The following WNK1 variants were observed in gnomAD, a reference collection of about 807,000 sequenced individuals.
The protein encoded by WNK1 is WNK lysine deficient protein kinase 1.
WNK1 carries 38 observed loss-of-function variants against 222.8 expected under a neutral mutation model. The ratio of observed to expected loss-of-function variants is 0.17; its 90% CI spans 0.13 to 0.22. The LOEUF is 0.22. WNK1 is among the 10% of genes least tolerant of loss of function. The pLI, the probability that WNK1 is intolerant of heterozygous loss-of-function variation, is 1.00. For synonymous variants in WNK1, 1,090 were observed against 1,092.9 expected, an observed-to-expected ratio of 1.00 and a Z score of 0.05; for missense variants, 2,348 against 2,918.4, an observed-to-expected ratio of 0.80 and a Z score of 4.50.
Position 851,652 on chromosome 12 carries a change from C to T in WNK1, c.1312-5509C>T, listed in dbSNP as rs1295476092. The T allele has an allele frequency of 1.3e-5, 17 of 1,293,874 alleles. No homozygotes were observed. In the African/African-American group the frequency reaches 1.5e-4, roughly 12 times the overall value. The allele number at this position is 1,293,874 out of a possible 1,614,324, so 80.1% of individuals were successfully genotyped here. ...TGATGTACATCAGAGACATTTTTTC[C>T]TTCATTTTCCTCCAATAAGAAATCT... On this transcript the variant is annotated intron_variant, in intron 4 of 27. Transcript: ENST00000315939.
At chr12:860,985 CT>C in intron 6 of WNK1, 27 bp from the exon 7 acceptor site, 1 of 1,597,796 alleles carries the variant, frequency 6.3e-7, no homozygotes, top group Non-Finnish European at 8.6e-7. Context: ...CAATATACTA[CT>C]GCTTAATTTA....
At chr12:839,913 A>G (rs1949489925) in intron 4 of WNK1, among the ~76,000 whole-genome samples, 2 of 142,028 alleles carry the variant, frequency 1.4e-5, no homozygotes, top group South Asian at 2.3e-4. Flanking sequence ...TTTTAAGTAG[A>G]GATGGAGTTT....
intron 1 of WNK1, among the ~76,000 whole-genome samples, chr12:799,806 T>G (rs746768928): frequency 3.9e-5 from 6 of 152,140 alleles, no homozygotes; most frequent in Non-Finnish European, 8.8e-5. Context: ...TGCTTTAGCC[T>G]CCCAAGTAGC....
At chr12:787,849 G>A (rs1005885093) in intron 1 of WNK1, among the ~76,000 whole-genome samples, 8 of 152,138 alleles carry the variant, frequency 5.3e-5, no homozygotes, top group African/African-American at 1.7e-4. Flanking sequence ...GTGTGCGTGT[G>A]TGTGTAATTT....
chr12:767,072 C>T (rs768791138), intron 1 of WNK1, among the ~76,000 whole-genome samples: 20 of 151,488 alleles, frequency 1.3e-4, no homozygotes, highest in Non-Finnish European at 2.7e-4. Context: ...CCACCGTGCC[C>T]GGCCCTAGAT....
At chr12:788,957 A>G (rs1451525790) in intron 1 of WNK1, among the ~76,000 whole-genome samples, 4 of 152,062 alleles carry the variant, frequency 2.6e-5, no homozygotes, top group Non-Finnish European at 5.9e-5. Flanking sequence ...TTAGACTTTA[A>G]CCTTTGCTTA....
In WNK1 at chr12:882,019, A is replaced by T; in HGVS notation, c.3318A>T (p.Val1106=). The T allele has an allele frequency of 6.2e-7, 1 of 1,614,168 alleles. No individual in the cohort carries two copies. ...RTTKRHYRKS[V]RSRSRHEKTS... Reference sequence around the variant, plus strand: ...CAAAACGGCATTACCGAAAATCTGTAAGGAGTCGCTCTCGACATGAAAAAA... The same window carrying T: ...CAAAACGGCATTACCGAAAATCTGTTAGGAGTCGCTCTCGACATGAAAAAA... The change falls in exon 14 of 28, where the codon GTA becomes GTT. Residue 1106 remains valine (V), a synonymous_variant. Coordinates refer to ENST00000315939, the MANE Select transcript of WNK1 (RefSeq NM_018979.4).
chr12:908,935 C>A lies in WNK1; in HGVS notation c.*143C>A, dbSNP rs960409528. On this transcript the variant is annotated 3_prime_UTR_variant, in exon 28 of 28. Coordinates refer to ENST00000315939, the MANE Select transcript of WNK1 (RefSeq NM_018979.4). ...TTGCCAGAGGGGAATGTTTTTAATA[C>A]TGCATTGAGCCCTCAGAATGGAGAG... The A allele has an allele frequency of 2.6e-4, 232 of 908,084 alleles. No individual in the cohort carries two copies. The highest frequency in any genetic ancestry group is 2.5e-4 in the Non-Finnish European group (148 of 590,132). 56.3% of individuals were successfully genotyped at this position (908,084 alleles called of 1,614,324 possible). A position where few individuals can be genotyped will look rare whatever the true frequency, so the allele number is the denominator to read the frequency against.
chr12:845,392 G>A (rs1211458778), intron 4 of WNK1, among the ~76,000 whole-genome samples: 3 of 152,088 alleles, frequency 2.0e-5, no homozygotes, highest in Non-Finnish European at 4.4e-5. Context: ...TAGATTTCTG[G>A]TTTTCATCCC....
chr12:840,154 G>A (rs1335875953), intron 4 of WNK1, among the ~76,000 whole-genome samples: 1 of 152,002 alleles, frequency 6.6e-6, no homozygotes, highest in Non-Finnish European at 1.5e-5. Context: ...TTGAGAGAAA[G>A]TCTCACTCTG....
In WNK1 at chr12:878,236, C is replaced by A. The variant is rs556544822; in HGVS notation, c.2248C>A (p.Pro750Thr). The A allele has an allele frequency of 2.7e-5, 44 of 1,614,110 alleles. No homozygotes were observed. The South Asian group carries it at 4.5e-4, about 17-fold the overall frequency. ...GCAGCAGGGAATACAGCAGACAGCC[C>A]CTCCTCAACAGACAGTGCAGTATTC... is the stretch of plus-strand genomic sequence containing the variant. ...QQQQGIQQTA[P>T]PQQTVQYSLS... Residue 750 changes from proline to threonine, a missense_variant, in exon 10 of 28, where the codon CCT becomes ACT. By Grantham distance (38) the Pro-to-Thr change is conservative (BLOSUM62 -1). Coordinates refer to ENST00000315939, the MANE Select transcript of WNK1 (RefSeq NM_018979.4).
At chr12:826,134 G>T (rs1948340332) in intron 2 of WNK1, among the ~76,000 whole-genome samples, 1 of 152,212 alleles carries the variant, frequency 6.6e-6, no homozygotes, top group Non-Finnish European at 1.5e-5. Context: ...GATCTGTGCT[G>T]TCCAGTAGAA....
intron 2 of WNK1, among the ~76,000 whole-genome samples, chr12:819,348 C>G (rs935183120): frequency 7.2e-5 from 11 of 152,032 alleles, no homozygotes; most frequent in African/African-American, 2.7e-4. Flanking sequence ...TATCTCTTAT[C>G]CGAAATGCTT....
chr12:906,768 G>A, intron 26 of WNK1: 1 of 984,958 alleles, frequency 1.0e-6, no homozygotes, highest in East Asian at 1.1e-4. Context: ...GGCTGAGCAT[G>A]GTGGCTCACA....
intron 1 of WNK1, among the ~76,000 whole-genome samples, chr12:771,123 G>C (rs1157925709): frequency 1.3e-5 from 2 of 151,962 alleles, no homozygotes; most frequent in Non-Finnish European, 2.9e-5. Context: ...TCTGCCTCCT[G>C]ATTAGCTGGG....
intron 1 of WNK1, among the ~76,000 whole-genome samples, chr12:812,515 A>T (rs2154008342): frequency 6.6e-6 from 1 of 152,314 alleles, no homozygotes; most frequent in Non-Finnish European, 1.5e-5. Flanking sequence ...ATTAAGTGTT[A>T]TGTAAGAGGC....
chr12:827,035 TTTC>T lies in WNK1; in HGVS notation c.933-5_933-3del. 1 of 1,612,606 alleles carries T rather than the reference TTTC, an allele frequency of 6.2e-7. No homozygotes were observed. On this transcript the variant is annotated splice_region_variant and splice_polypyrimidine_tract_variant and intron_variant, in intron 2 of 27. Transcript: ENST00000315939. This position sits in a 1 kb window ranked among gnomAD's most constrained non-coding sequence, Gnocchi z 4.6. ...ATAACTTGTTTGGTATACTTTGCTT[TTTC>T]TAGGTATCTGAAAAGGTTTAAAGTG...
At chr12:800,363 T>G (rs550395763) in intron 1 of WNK1, among the ~76,000 whole-genome samples, 1 of 152,268 alleles carries the variant, frequency 6.6e-6, no homozygotes, top group East Asian at 1.9e-4. Context: ...ACTTTATATA[T>G]AGAAAATAAA....
chr12:800,542 G>A (rs1417932785), intron 1 of WNK1, among the ~76,000 whole-genome samples: 3 of 151,902 alleles, frequency 2.0e-5, no homozygotes, highest in Non-Finnish European at 4.4e-5. Context: ...GTTTCTCTGA[G>A]GCAATTTCCC....
Sources: gnomAD v4.1 joint callset for allele counts (sites outside exome capture counted in the v4.1 genomes callset) on GRCh38, gnomAD v4.1.1 for gene constraint, Gnocchi (gnomAD v3.1) non-coding constraint, MANE v1.5 for transcripts, NCBI Gene and HGNC (gene_info 2026-07-23, HGNC 2026-07-21) for gene names.